Variants in KLRF2 observed in about 807,000 individuals in gnomAD.
KLRF2 encodes killer cell lectin like receptor F2.
A neutral mutation model predicts 25.3 loss-of-function variants in KLRF2; 28 were observed. That is an observed-to-expected ratio of 1.11 (90% CI 0.82 to 1.52). KLRF2 has a LOEUF of 1.52. KLRF2 is among the 40% of genes most tolerant of loss of function. The pLI is 0.00. For synonymous variants in KLRF2, 73 were observed against 85.0 expected (o/e 0.86, Z 0.78); for missense variants, 265 against 245.8 (o/e 1.08, Z -0.52).
intron 2 of KLRF2, 88 bp from the exon 3 acceptor site, chr12:9,888,645 C>CATT: frequency 1.4e-6 from 1 of 712,858 alleles, no homozygotes; most frequent in Non-Finnish European, 2.4e-6. Context: ...AGTATGCCTT[C>CATT]ATTTTCTGCT....
intron 3 of KLRF2, among the ~76,000 whole-genome samples, chr12:9,892,648 G>C (rs1268032013): frequency 7.2e-6 from 1 of 138,082 alleles, no homozygotes; most frequent in African/African-American, 2.7e-5. Flanking sequence ...GTAATGGCTC[G>C]ATCACGGCTC....
At chr12:9,892,937 T>G in intron 3 of KLRF2, 83 bp from the exon 4 acceptor site, 1 of 1,196,878 alleles carries the variant, frequency 8.4e-7, no homozygotes, top group Non-Finnish European at 1.1e-6. Context: ...AAATCTATTT[T>G]CCAAGTAGTC....
chr12:9,892,176 C>A (rs1862684138), intron 3 of KLRF2, among the ~76,000 whole-genome samples: 1 of 152,078 alleles, frequency 6.6e-6, no homozygotes, highest in Admixed American at 6.6e-5. Flanking sequence ...CGGTTCAAGG[C>A]TTCCTTTTTG....
chr12:9,883,029 C>A (rs1868111463), intron 1 of KLRF2, among the ~76,000 whole-genome samples: 2 of 151,970 alleles, frequency 1.3e-5, no homozygotes, highest in Admixed American at 1.3e-4. Context: ...AGATAATATC[C>A]ATTTAAATTA....
intron 2 of KLRF2, among the ~76,000 whole-genome samples, chr12:9,885,523 T>C (rs917577119): frequency 1.3e-5 from 2 of 152,022 alleles, no homozygotes; most frequent in South Asian, 2.1e-4. Flanking sequence ...GTGTTTTACA[T>C]ATAACATGAC....
intron 2 of KLRF2, among the ~76,000 whole-genome samples, chr12:9,887,328 A>G (rs1862609935): frequency 6.6e-6 from 1 of 152,202 alleles, no homozygotes; most frequent in Non-Finnish European, 1.5e-5. Context: ...TCAGAACACC[A>G]TGAGTAAAAA....
Position 9,893,075 on chromosome 12 carries a change from G to A in KLRF2, c.273G>A (p.Trp91Ter), listed in dbSNP as rs919466272. The A allele has an allele frequency of 3.9e-6, 6 of 1,535,612 alleles. No individual in the cohort carries two copies. The African/African-American group carries it at 8.2e-5, about 21-fold the overall frequency. Residue 91 changes from tryptophan to a stop codon, truncating the protein, a stop_gained, in exon 4 of 6, where the codon TGG (tryptophan) becomes TGA (stop). Coordinates refer to ENST00000535540, the MANE Select transcript of KLRF2 (RefSeq NM_001190765.1). LOFTEE classifies it high-confidence loss of function. ...DWLLNEGKCY[W>*]FSTSFKTWKE... ...TGTTGAACGAAGGGAAATGTTACTGGTTTTCAACTTCTTTTAAAACGTGGA... is the reference window on the plus strand; with the variant it reads ...TGTTGAACGAAGGGAAATGTTACTGATTTTCAACTTCTTTTAAAACGTGGA...
rs957283129 is a variant in KLRF2, at chr12:9,893,143, T to G, written c.341T>G (p.Leu114Arg). 6.5e-7 allele frequency: 1 copy of G among 1,533,064 alleles called. No individual in the cohort carries two copies. Among genetic ancestry groups the G allele is most frequent in the Non-Finnish European group, 8.7e-7 (1 of 1,145,232 alleles). The allele number at this position is 1,533,064 out of a possible 1,614,324, so 95.0% of individuals were successfully genotyped here. A position where few individuals can be genotyped will look rare whatever the true frequency, so the allele number is the denominator to read the frequency against. ...TGTACACAGCTACAGGCACATTTAC[T>G]GGTGATTCAAAATTTGGATGAGCTG... is the stretch of plus-strand genomic sequence containing the variant. ...RDCTQLQAHL[L>R]VIQNLDELEF... The change falls in exon 4 of 6, where the codon CTG becomes CGG. Residue 114 changes from leucine to arginine, a missense_variant. Physicochemically the swap from Leu to Arg is moderately radical, Grantham distance 102. Transcript: ENST00000535540.
Position 9,884,984 on chromosome 12 carries a change from A to G in KLRF2, c.121A>G (p.Ile41Val). 3 of 1,348,014 alleles carry G rather than the reference A, an allele frequency of 2.2e-6. No individual in the cohort carries two copies. The highest frequency in any genetic ancestry group is 2.9e-6 in the Non-Finnish European group (3 of 1,044,602). 83.5% of individuals were successfully genotyped at this position (1,348,014 alleles called of 1,614,324 possible). ...TTGTCTTCTGCTCATATTTGGATGCATTGTGATCCTTATATTCATTATGAC... is the reference window on the plus strand; with the variant it reads ...TTGTCTTCTGCTCATATTTGGATGCGTTGTGATCCTTATATTCATTATGAC... ...YYCLLLIFGC[I>V]VILIFIMTGI... is the part of the protein sequence containing the mutation. Residue 41 changes from isoleucine to valine, a missense_variant, in exon 2 of 6, where the codon ATT (isoleucine) becomes GTT (valine). Transcript: ENST00000535540.
In KLRF2 at chr12:9,885,211, A is replaced by G. The variant is rs180964325; in HGVS notation, c.169+179A>G. Among the ~76,000 whole-genome samples, 68 of 151,872 alleles carry G rather than the reference A, an allele frequency of 4.5e-4. 2 individuals are homozygous for G. The East Asian group carries it at 0.01, about 23-fold the overall frequency. ...AATGCAAGCTTGGTATTTATTCTGC[A>G]TCTTTTCTTATAAAGAACCCCCAAT... On this transcript the variant is annotated intron_variant, in intron 2 of 5. Transcript: ENST00000535540.
chr12:9,892,652 A>G (rs58397734), intron 3 of KLRF2, among the ~76,000 whole-genome samples: 1,382 of 137,774 alleles, frequency 0.01, 17 homozygotes, highest in African/African-American at 0.036. Flanking sequence ...TGGCTCGATC[A>G]CGGCTCACCG....
At chr12:9,888,689 G>T in intron 2 of KLRF2, 44 bp from the exon 3 acceptor site, 2 of 1,150,864 alleles carry the variant, frequency 1.7e-6, no homozygotes, top group South Asian at 2.7e-5. Flanking sequence ...GATTGCTATT[G>T]ATTTTTAAAT....
chr12:9,887,564 C>T (rs1354716408), intron 2 of KLRF2, among the ~76,000 whole-genome samples: 1 of 152,142 alleles, frequency 6.6e-6, no homozygotes, highest in Admixed American at 6.5e-5. Context: ...GGGTGGCTAA[C>T]TTTGGATAGA....
intron 1 of KLRF2, 98 bp from the exon 2 acceptor site, chr12:9,884,836 T>C (rs1409447693): frequency 4.9e-6 from 2 of 410,052 alleles, no homozygotes; most frequent in Non-Finnish European, 8.6e-6. Context: ...TCTAATGACA[T>C]ATCTAAAATG....
intron 1 of KLRF2, 33 bp from the exon 2 acceptor site, chr12:9,884,901 T>A: frequency 1.4e-6 from 1 of 700,182 alleles, no homozygotes; most frequent in Middle Eastern, 2.9e-4. Flanking sequence ...ATAAAGTGAA[T>A]AATCACAAGA....
chr12:9,884,969 C>T lies in KLRF2; in HGVS notation c.106C>T (p.Leu36Phe). The change falls in exon 2 of 6, where the codon CTC becomes TTC. Residue 36 changes from leucine (L) to phenylalanine (F), a missense_variant. Coordinates refer to ENST00000535540, the MANE Select transcript of KLRF2 (RefSeq NM_001190765.1). ...ATATCCACAATATTATTGTCTTCTG[C>T]TCATATTTGGATGCATTGTGATCCT... Reference protein sequence around the residue: ...SLYPQYYCLLLIFGCIVILIF... With the variant: ...SLYPQYYCLLFIFGCIVILIF... The T allele has an allele frequency of 7.5e-7, 1 of 1,330,142 alleles. No individual in the cohort carries two copies. Among genetic ancestry groups the T allele is most frequent in the African/African-American group, 1.5e-5 (1 of 66,130 alleles). 82.4% of individuals were successfully genotyped at this position (1,330,142 alleles called of 1,614,324 possible).
At chr12:9,892,989 T>TGGC in intron 3 of KLRF2, 31 bp from the exon 4 acceptor site, 1 of 1,502,302 alleles carries the variant, frequency 6.7e-7, no homozygotes, top group South Asian at 1.2e-5. Context: ...GCTGTAAAGT[T>TGGC]TAATTAATTT....
rs540380646 is a variant in KLRF2 at position 9,886,147 on chromosome 12, A to G, written c.169+1115A>G. The stretch of plus-strand genomic sequence containing the variant: ...ATGAAATTTGACATGTTGATGAATT[A>G]CTAGTAGTAAAAATATTTTTTTCTA... On this transcript the variant is annotated intron_variant, in intron 2 of 5. Coordinates refer to ENST00000535540, the MANE Select transcript of KLRF2 (RefSeq NM_001190765.1). Among the ~76,000 whole-genome samples, 13 of 152,298 alleles carry G rather than the reference A, an allele frequency of 8.5e-5. No individual in the cohort carries two copies. The South Asian group carries it at 2.7e-3, about 32-fold the overall frequency.
intron 3 of KLRF2, among the ~76,000 whole-genome samples, chr12:9,891,512 A>C (rs1862675923): frequency 6.6e-6 from 1 of 152,186 alleles, no homozygotes; most frequent in African/African-American, 2.4e-5. Context: ...TAATAAAATT[A>C]TTTCATCCAA....
Sources: allele counts gnomAD v4.1 joint callset (sites outside exome capture counted in the v4.1 genomes callset), GRCh38; gene constraint gnomAD v4.1.1; transcripts MANE v1.5; gene names NCBI Gene and HGNC (gene_info 2026-07-23, HGNC 2026-07-21).